DCX: variants seen among roughly 807,000 people sequenced by gnomAD.
The protein encoded by DCX is doublecortin.
DCX carries 4 observed loss-of-function variants against 20.9 expected under a neutral mutation model. The observed-to-expected ratio is 0.19, with a 90% CI of 0.09 to 0.44. The LOEUF is 0.44. DCX is among the 20% of genes least tolerant of loss of function. The pLI is 0.99. For missense variants in DCX, 133 were observed against 296.9 expected, an observed-to-expected ratio of 0.45 and a Z score of 4.06; for synonymous variants, 103 against 111.4, an observed-to-expected ratio of 0.92 and a Z score of 0.47.
chrX:111,349,902 C>A (rs754192630), intron 3 of DCX, among the ~76,000 whole-genome samples: 81 of 111,123 alleles, frequency 7.3e-4, no homozygotes, highest in Non-Finnish European at 1.2e-3. Flanking sequence ...ATAGAAGAAC[C>A]ACAGAGGGCA....
intron 3 of DCX, among the ~76,000 whole-genome samples, chrX:111,397,606 C>A (rs1233664442): frequency 9.0e-6 from 1 of 111,659 alleles, no homozygotes; most frequent in Non-Finnish European, 1.9e-5. Flanking sequence ...TGTCCATGTA[C>A]CCCCAAATTT....
rs1165832721 is a variant in DCX at position 111,294,756 on chromosome X, C to T, written c.*6931G>A. ...AATATATTCTTTTCAGAGGTTAAAACGAGTTAAGAAATGTGATGTACAATA... is the reference window on the plus strand; with the variant it reads ...AATATATTCTTTTCAGAGGTTAAAATGAGTTAAGAAATGTGATGTACAATA... On this transcript the variant is annotated 3_prime_UTR_variant, in exon 7 of 7. Transcript: ENST00000636035. 1.8e-5 allele frequency: 2 copies of T among 111,775 alleles called. No individual in the cohort carries two copies. Among genetic ancestry groups the T allele is most frequent in the Non-Finnish European group, 3.8e-5 (2 of 53,199 alleles). The allele number at this position is 111,775 out of a possible 1,213,427, so 9.2% of individuals were successfully genotyped here.
At chrX:111,397,971 G>C (rs983230913) in intron 3 of DCX, among the ~76,000 whole-genome samples, 1 of 111,194 alleles carries the variant, frequency 9.0e-6, no homozygotes, top group African/African-American at 3.3e-5. Context: ...GAATCTCTAA[G>C]AATGGCACAC....
chrX:111,320,953 T>G (rs975369065), intron 5 of DCX, among the ~76,000 whole-genome samples: 1 of 110,851 alleles, frequency 9.0e-6, no homozygotes, highest in Non-Finnish European at 1.9e-5. Flanking sequence ...TTTTTGTTTT[T>G]GCTAACATAG....
chrX:111,351,608 A>C (rs189060639), intron 3 of DCX, among the ~76,000 whole-genome samples: 2 of 112,289 alleles, frequency 1.8e-5, no homozygotes, highest in African/African-American at 6.5e-5. Context: ...AGTCTAGTGG[A>C]AGTGATGAGC....
At position 111,300,234 on chromosome X, in the gene DCX, G is replaced by A. The variant is rs2095030766; in HGVS notation, c.*1453C>T. Reference sequence around the variant, plus strand: ...CCTTCACTTAAATTTAGTTGTCTTTGCCATTATGGGCTATGATTACAGAAA... The same window carrying A: ...CCTTCACTTAAATTTAGTTGTCTTTACCATTATGGGCTATGATTACAGAAA... On this transcript the variant is annotated 3_prime_UTR_variant, in exon 7 of 7. Coordinates refer to ENST00000636035, the MANE Select transcript of DCX (RefSeq NM_001195553.2). The A allele has an allele frequency of 9.0e-6, 1 of 111,494 alleles. No individual in the cohort carries two copies. Among genetic ancestry groups the A allele is most frequent in the Non-Finnish European group, 1.9e-5 (1 of 53,096 alleles). The allele number at this position is 111,494 out of a possible 1,213,427, so 9.2% of individuals were successfully genotyped here.
chrX:111,355,688 G>T (rs1923676682), intron 3 of DCX, among the ~76,000 whole-genome samples: 1 of 111,379 alleles, frequency 9.0e-6, no homozygotes, highest in Admixed American at 9.6e-5. Context: ...GTACAGCAAA[G>T]AGAAGAACAC....
At position 111,301,092 on chromosome X, in the gene DCX, G is replaced by A. The variant is rs1371529246; in HGVS notation, c.*595C>T. On this transcript the variant is annotated 3_prime_UTR_variant, in exon 7 of 7. Transcript: ENST00000636035. ...AGCACCAGGATCCTAAGCATCTGGT[G>A]TCACAATTATAAGTTGTTGGTTTAT... The A allele has an allele frequency of 1.7e-5, 2 of 114,575 alleles. No individual in the cohort carries two copies. Among genetic ancestry groups the A allele is most frequent in the African/African-American group, 6.5e-5 (2 of 30,755 alleles). The allele number at this position is 114,575 out of a possible 1,213,427, so 9.4% of individuals were successfully genotyped here. A position where few individuals can be genotyped will look rare whatever the true frequency, so the allele number is the denominator to read the frequency against.
chrX:111,340,037 T>C (rs1219653638), intron 3 of DCX, among the ~76,000 whole-genome samples: 1 of 112,866 alleles, frequency 8.9e-6, no homozygotes, highest in Non-Finnish European at 1.9e-5. Flanking sequence ...AGTAGTATTT[T>C]ACAATTTTAA....
intron 3 of DCX, among the ~76,000 whole-genome samples, chrX:111,390,701 T>C (rs1212051799): frequency 9.0e-6 from 1 of 111,201 alleles, no homozygotes; most frequent in African/African-American, 3.3e-5. Context: ...TTCCCCTGCT[T>C]AAAATCCTTC....
At chrX:111,312,107 G>A (rs1242109212) in intron 6 of DCX, among the ~76,000 whole-genome samples, 1 of 112,882 alleles carries the variant, frequency 8.9e-6, no homozygotes, top group Admixed American at 9.3e-5. Flanking sequence ...CAAGGCCAAT[G>A]CAATGTGTAT....
In DCX at chrX:111,371,204, C is replaced by A. The variant is rs1471484825; in HGVS notation, c.705+29786G>T. Among the ~76,000 whole-genome samples the A allele has an allele frequency of 5.3e-5, 6 of 112,288 alleles. No individual in the cohort carries two copies. In the East Asian group the frequency reaches 1.7e-3, roughly 31 times the overall value. On this transcript the variant is annotated intron_variant, in intron 3 of 6. Transcript: ENST00000636035. ...TTTTAGTTTTGTGACATACATACAC[C>A]TGTATAATACAAACCTTTATCAAGA...
At chrX:111,319,509 G>T (rs1165918914) in intron 5 of DCX, among the ~76,000 whole-genome samples, 1 of 112,315 alleles carries the variant, frequency 8.9e-6, no homozygotes, top group Non-Finnish European at 1.9e-5. Flanking sequence ...ACTAGACTTT[G>T]TCAAGGCACT....
chrX:111,359,921 C>G (rs1454796464), intron 3 of DCX, among the ~76,000 whole-genome samples: 1 of 111,508 alleles, frequency 9.0e-6, no homozygotes, highest in Non-Finnish European at 1.9e-5. Flanking sequence ...TTTATAAAGC[C>G]TTTGGGATGG....
At chrX:111,312,806 C>T in intron 5 of DCX, 70 bp from the exon 6 acceptor site, 4 of 1,003,125 alleles carry the variant, frequency 4.0e-6, no homozygotes, top group Non-Finnish European at 5.6e-6. Context: ...TATCCTTCCC[C>T]TCAGAAGACA....
In DCX at chrX:111,357,794, AAG is replaced by A. The variant is rs1465482536; in HGVS notation, c.706-24643_706-24642del. Among the ~76,000 whole-genome samples, 280 of 107,733 alleles carry A rather than the reference AAG, an allele frequency of 2.6e-3. 2 individuals carry two copies. The highest frequency in any genetic ancestry group is 9.9e-3 in the African/African-American group (273 of 27,563). The allele number at this position is 107,733 out of a possible 115,157, so 93.6% of individuals were successfully genotyped here. A position where few individuals can be genotyped will look rare whatever the true frequency, so the allele number is the denominator to read the frequency against. On this transcript the variant is annotated intron_variant, in intron 3 of 6. Coordinates refer to ENST00000636035, the MANE Select transcript of DCX (RefSeq NM_001195553.2). Reference sequence around the variant, plus strand: ...GAGGCACGTCTCAAAAAGAGAAAAAAAGAAAAAAAAAAAGGAGCTGAAGCTCT... The same window carrying A: ...GAGGCACGTCTCAAAAAGAGAAAAAAAAAAAAAAAAAGGAGCTGAAGCTCT...
At chrX:111,340,775 C>T (rs1423408876) in intron 3 of DCX, among the ~76,000 whole-genome samples, 2 of 111,199 alleles carry the variant, frequency 1.8e-5, no homozygotes, top group East Asian at 5.7e-4. Context: ...AAGACAGCTA[C>T]CCTACAGAAG....
At chrX:111,305,162 G>T (rs183508150) in intron 6 of DCX, among the ~76,000 whole-genome samples, 6 of 111,439 alleles carry the variant, frequency 5.4e-5, no homozygotes, top group African/African-American at 1.6e-4. Flanking sequence ...TAGCAGACCT[G>T]TCTTGCAAAA....
chrX:111,345,549 A>G (rs1922726870), intron 3 of DCX, among the ~76,000 whole-genome samples: 1 of 111,675 alleles, frequency 9.0e-6, no homozygotes, highest in Non-Finnish European at 1.9e-5. Context: ...AATTTACAAG[A>G]AAAAAACAAA....
Sources: allele counts gnomAD v4.1 joint callset (sites outside exome capture counted in the v4.1 genomes callset), GRCh38; gene constraint gnomAD v4.1.1; transcripts MANE v1.5; gene names NCBI Gene and HGNC (gene_info 2026-07-23, HGNC 2026-07-21).